Variants in TMEM117 observed in about 807,000 individuals in gnomAD.
The protein encoded by TMEM117 is transmembrane protein 117.
In TMEM117, 27 loss-of-function variants were observed where a neutral mutation model predicts 52.4. The observed-to-expected ratio is 0.51, with a 90% CI of 0.38 to 0.71. The LOEUF is 0.71. TMEM117 is among the 30% of genes least tolerant of loss of function. The pLI is 0.00. For synonymous variants in TMEM117, 215 were observed against 206.3 expected (o/e 1.04, Z -0.36); for missense variants, 556 against 630.5 (o/e 0.88, Z 1.26).
chr12:43,859,436 G>A (rs766776115), intron 2 of TMEM117, among the ~76,000 whole-genome samples: 3 of 152,272 alleles, frequency 2.0e-5, no homozygotes, highest in Non-Finnish European at 4.4e-5. Context: ...TTCTGAAAAT[G>A]ATAGGAAGCC....
chr12:44,138,228 G>T (rs1452336344), intron 3 of TMEM117, among the ~76,000 whole-genome samples: 2 of 152,058 alleles, frequency 1.3e-5, no homozygotes, highest in Admixed American at 6.6e-5. Flanking sequence ...GGTGGAAATA[G>T]TTACAATAGA....
intron 2 of TMEM117, among the ~76,000 whole-genome samples, chr12:43,873,445 T>G (rs1943739590): frequency 6.6e-6 from 1 of 152,172 alleles, no homozygotes; most frequent in Non-Finnish European, 1.5e-5. Context: ...TCATCCAACA[T>G]TCAGAGGTTT....
chr12:44,294,985 A>G (rs531943068), intron 5 of TMEM117, among the ~76,000 whole-genome samples: 1 of 152,302 alleles, frequency 6.6e-6, no homozygotes, highest in East Asian at 1.9e-4. Context: ...AACTACTGTA[A>G]TGTGTCTCAG....
chr12:43,819,749 C>T, the TMEM117 span, among the ~76,000 whole-genome samples: 1 of 151,500 alleles, frequency 6.6e-6, no homozygotes. Context: ...GCACTCCAGC[C>T]TGGCGATAGA....
chr12:44,225,985 C>G (rs1949855244), intron 5 of TMEM117, among the ~76,000 whole-genome samples: 1 of 121,738 alleles, frequency 8.2e-6, no homozygotes, highest in African/African-American at 3.4e-5. Flanking sequence ...CTCAATTTAT[C>G]TGACTAACGT....
chr12:44,135,443 C>T (rs1341226187), intron 3 of TMEM117, among the ~76,000 whole-genome samples: 2 of 152,026 alleles, frequency 1.3e-5, no homozygotes, highest in Non-Finnish European at 1.5e-5. Context: ...GGTGCTTATC[C>T]AATATAAATT....
intron 2 of TMEM117, among the ~76,000 whole-genome samples, chr12:43,890,483 G>A (rs2137475887): frequency 6.6e-6 from 1 of 151,900 alleles, no homozygotes; most frequent in East Asian, 1.9e-4. Context: ...TCAGATTTTA[G>A]GGCTAGAGAA....
intron 2 of TMEM117, among the ~76,000 whole-genome samples, chr12:43,924,154 G>C (rs1460128349): frequency 6.6e-6 from 1 of 152,146 alleles, no homozygotes; most frequent in Non-Finnish European, 1.5e-5. Flanking sequence ...TGTAAATACA[G>C]TTTCTTGGCT....
At chr12:44,151,351 CT>C (rs57930762) in intron 4 of TMEM117, among the ~76,000 whole-genome samples, 1,784 of 138,966 alleles carry the variant, frequency 0.013, 42 homozygotes, top group African/African-American at 0.043. Context: ...ATGGAATTTT[CT>C]TTTTTTTTTC....
chr12:44,257,261 C>T lies in TMEM117; in HGVS notation c.609-42319C>T, dbSNP rs557382411. On this transcript the variant is annotated intron_variant, in intron 5 of 7. Coordinates refer to ENST00000266534, the MANE Select transcript of TMEM117 (RefSeq NM_032256.3). ...CTGGGCTCAATATTATGTGCTTGAG[C>T]GGAGCCGTAGGCATCTGCACTCCTA... Among the ~76,000 whole-genome samples, 29 of 151,794 alleles carry T rather than the reference C, an allele frequency of 1.9e-4. No individual in the cohort carries two copies. In the South Asian group the frequency reaches 5.8e-3, roughly 31 times the overall value.
At chr12:43,849,806 A>T (rs1592305034) in intron 2 of TMEM117, among the ~76,000 whole-genome samples, 1 of 152,132 alleles carries the variant, frequency 6.6e-6, no homozygotes, top group African/African-American at 2.4e-5. Flanking sequence ...TTTCCTGATG[A>T]ACTCCGAACT....
the TMEM117 span, among the ~76,000 whole-genome samples, chr12:43,819,720 G>T: frequency 1.3e-5 from 2 of 152,102 alleles, no homozygotes; most frequent in Admixed American, 1.3e-4. Flanking sequence ...AGGTTGCGGT[G>T]AGCCGAGATT....
At chr12:43,798,521 A>G in the TMEM117 span, 2 of 1,484,960 alleles carry the variant, frequency 1.3e-6, no homozygotes, top group East Asian at 5.0e-5. Context: ...AGCATAAATG[A>G]TATTGGTTAA....
chr12:44,311,821 ATGTATATATGTATATATGTATATATATG>A (rs1950987292), intron 6 of TMEM117, among the ~76,000 whole-genome samples: 1 of 92,504 alleles, frequency 1.1e-5, no homozygotes, highest in Non-Finnish European at 2.0e-5. Flanking sequence ...ATGTATATAT[ATGTATATATGTATATATGTATATATATG>A]TATATATGTA....
At chr12:44,115,719 A>G (rs536205232) in intron 3 of TMEM117, among the ~76,000 whole-genome samples, 4 of 152,226 alleles carry the variant, frequency 2.6e-5, no homozygotes, top group African/African-American at 9.6e-5. Flanking sequence ...TGATTGATCA[A>G]CTCATTCATT....
the TMEM117 span, chr12:43,805,490 G>C: frequency 2.2e-6 from 1 of 454,802 alleles, no homozygotes; most frequent in Non-Finnish European, 4.4e-6. Flanking sequence ...AGTAACCCGG[G>C]GATATATTAT....
the TMEM117 span, among the ~76,000 whole-genome samples, chr12:43,817,784 T>A: frequency 6.6e-6 from 1 of 152,224 alleles, no homozygotes; most frequent in Non-Finnish European, 1.5e-5. Context: ...TATTTCATAA[T>A]TCTCCACTTG....
the TMEM117 span, among the ~76,000 whole-genome samples, chr12:43,801,520 G>A: frequency 6.6e-6 from 1 of 152,026 alleles, no homozygotes; most frequent in Non-Finnish European, 1.5e-5. Context: ...TATTAATTCT[G>A]TCTATTGTTC....
At chr12:44,099,680 C>G (rs1199339352) in intron 3 of TMEM117, among the ~76,000 whole-genome samples, 1 of 151,960 alleles carries the variant, frequency 6.6e-6, no homozygotes, top group Non-Finnish European at 1.5e-5. Flanking sequence ...CTTAGAACTG[C>G]ATAAAACATG....
Sources: allele counts gnomAD v4.1 joint callset (sites outside exome capture counted in the v4.1 genomes callset), GRCh38; gene constraint gnomAD v4.1.1; transcripts MANE v1.5; gene names NCBI Gene and HGNC (gene_info 2026-07-23, HGNC 2026-07-21).